The following VEPH1 variants were observed in gnomAD, a reference collection of about 807,000 sequenced individuals.
VEPH1 encodes ventricular zone-expressed PH domain-containing protein homolog 1.
Under a neutral mutation model 85.2 loss-of-function variants are expected in VEPH1, and 80 were observed. The observed-to-expected ratio is 0.94, with a 90% CI of 0.78 to 1.13. The LOEUF (loss-of-function observed/expected upper bound fraction) is 1.13, where lower values mean the gene tolerates loss of function less well. Ranked by LOEUF, VEPH1 falls within the 50% of genes most tolerant of loss-of-function variation. VEPH1 has a pLI of 0.00. For missense variants in VEPH1, 955 were observed against 980.5 expected, an observed-to-expected ratio of 0.97 and a Z score of 0.35; for synonymous variants, 297 against 348.0, an observed-to-expected ratio of 0.85 and a Z score of 1.63.
rs532340418 is a variant in VEPH1 at position 157,489,124 on chromosome 3, A to G, written c.138+6088T>C. Reference sequence around the variant, plus strand: ...TCTGAATTATTTCAGTAGCCACTCAACTGGCCTTTCTGATTTCACTCTTGC... The same window carrying G: ...TCTGAATTATTTCAGTAGCCACTCAGCTGGCCTTTCTGATTTCACTCTTGC... On this transcript the variant is annotated intron_variant, in intron 2 of 13. Transcript: ENST00000362010. 228 of 456,384 alleles carry G rather than the reference A, an allele frequency of 5.0e-4. 4 individuals are homozygous for G. Among genetic ancestry groups the G allele is most frequent in the South Asian group, 3.4e-3 (221 of 64,544 alleles). The allele number at this position is 456,384 out of a possible 1,614,324, so 28.3% of individuals were successfully genotyped here.
chr3:157,501,636 C>T (rs1047019396), intron 1 of VEPH1, among the ~76,000 whole-genome samples: 8 of 152,134 alleles, frequency 5.3e-5, no homozygotes, highest in East Asian at 1.9e-4. Context: ...GACTTAATCG[C>T]CACACTATTG....
At chr3:157,386,640 A>G (rs1213550914) in intron 6 of VEPH1, among the ~76,000 whole-genome samples, 1 of 152,210 alleles carries the variant, frequency 6.6e-6, no homozygotes, top group African/African-American at 2.4e-5. Context: ...CACAATGCAC[A>G]AGACAACCAC....
rs186886575 is a variant in VEPH1, at chr3:157,282,938, A to C, written c.2128+3619T>G. 2.6e-5 allele frequency among the ~76,000 whole-genome samples: 4 copies of C among 152,358 alleles called. No homozygotes were observed. In the East Asian group the frequency reaches 7.7e-4, roughly 29 times the overall value. ...ACTGAGTTATTTCAGAAATTTTCTAATCTTCTACTCTGAACTTTTATAAAA... is the reference window on the plus strand; with the variant it reads ...ACTGAGTTATTTCAGAAATTTTCTACTCTTCTACTCTGAACTTTTATAAAA... On this transcript the variant is annotated intron_variant, in intron 12 of 13. Transcript: ENST00000362010.
intron 9 of VEPH1, among the ~76,000 whole-genome samples, chr3:157,326,710 GTCC>G (rs1721944584): frequency 1.3e-5 from 2 of 152,188 alleles, no homozygotes; most frequent in Admixed American, 6.5e-5. Context: ...TCAGAAGTGG[GTCC>G]TGACTTCCCT....
At chr3:157,490,588 T>TA (rs942189084) in intron 2 of VEPH1, among the ~76,000 whole-genome samples, 2 of 151,930 alleles carry the variant, frequency 1.3e-5, no homozygotes, top group South Asian at 2.1e-4. Flanking sequence ...TCACTTAGAT[T>TA]AAAAAAAACT....
intron 9 of VEPH1, among the ~76,000 whole-genome samples, chr3:157,319,519 A>G (rs1721144863): frequency 6.6e-6 from 1 of 152,258 alleles, no homozygotes. Flanking sequence ...GAAACCTATT[A>G]TCTCAAGAGC....
intron 4 of VEPH1, chr3:157,459,752 A>G (rs1735663384): frequency 2.1e-6 from 3 of 1,442,124 alleles, no homozygotes; most frequent in Non-Finnish European, 2.7e-6. Context: ...AGAAGTCATT[A>G]CACATTTTCT....
chr3:157,363,224 A>G, intron 9 of VEPH1, 140 bp downstream of exon 9: 5 of 783,286 alleles, frequency 6.4e-6, no homozygotes, highest in Non-Finnish European at 9.5e-6. Context: ...AAAAACTAAC[A>G]TAATGTAAGG....
At chr3:157,428,236 C>A in intron 5 of VEPH1, 86 bp downstream of exon 5, 1 of 1,402,070 alleles carries the variant, frequency 7.1e-7, no homozygotes, top group Non-Finnish European at 9.6e-7. Flanking sequence ...ATGTATGAGA[C>A]AGGAAATCCT....
At chr3:157,456,813 C>T (rs1318995290) in intron 4 of VEPH1, among the ~76,000 whole-genome samples, 1 of 152,056 alleles carries the variant, frequency 6.6e-6, no homozygotes, top group East Asian at 1.9e-4. Context: ...AGTGTGATGC[C>T]TCCAGGTTTG....
chr3:157,276,818 ATTT>A, intron 12 of VEPH1, among the ~76,000 whole-genome samples: 1 of 152,092 alleles, frequency 6.6e-6, no homozygotes, highest in Non-Finnish European at 1.5e-5. Context: ...ATCAAAGAAG[ATTT>A]GCCTGGGACT....
chr3:157,340,659 C>T (rs941065966), intron 9 of VEPH1, among the ~76,000 whole-genome samples: 1 of 152,208 alleles, frequency 6.6e-6, no homozygotes, highest in African/African-American at 2.4e-5. Flanking sequence ...CCCTGTCTGA[C>T]AGCTTTGAAG....
intron 4 of VEPH1, among the ~76,000 whole-genome samples, chr3:157,456,055 A>G (rs576113642): frequency 3.3e-5 from 5 of 152,188 alleles, no homozygotes; most frequent in Admixed American, 2.6e-4. Context: ...AATAGCTGTT[A>G]TTTTTTAATA....
Position 157,381,361 on chromosome 3 carries a change from A to G in VEPH1, c.922T>C (p.Cys308Arg). 6.2e-7 allele frequency: 1 copy of G among 1,614,134 alleles called. No individual in the cohort carries two copies. The highest frequency in any genetic ancestry group is 8.5e-7 in the Non-Finnish European group (1 of 1,179,996). ...AGTTGGCTCACCAGGTATGTCAGGCAGCTCCTGGCTCTCTCCTACCAAAAA... is the reference window on the plus strand; with the variant it reads ...AGTTGGCTCACCAGGTATGTCAGGCGGCTCCTGGCTCTCTCCTACCAAAAA... ...GHVDEERARS[C>R]LTYLVSQLAN... Residue 308 changes from cysteine (C) to arginine (R), a missense_variant, in exon 7 of 14, where the codon TGC becomes CGC. Cys to Arg is a radical substitution (Grantham distance 180, BLOSUM62 -3). Transcript: ENST00000362010.
chr3:157,286,344 A>C, intron 12 of VEPH1: 1 of 582,218 alleles, frequency 1.7e-6, no homozygotes, highest in Non-Finnish European at 3.1e-6. Context: ...ACATATAGGT[A>C]AGGGATTGTT....
intron 11 of VEPH1, among the ~76,000 whole-genome samples, chr3:157,292,127 C>T (rs1415134479): frequency 3.3e-5 from 5 of 152,150 alleles, no homozygotes; most frequent in Non-Finnish European, 7.3e-5. Context: ...TCAGAGTTCT[C>T]GCTATGTTGC....
intron 1 of VEPH1, chr3:157,499,537 G>T (rs1332889876): frequency 6.6e-6 from 1 of 152,102 alleles, no homozygotes. Context: ...TTGCGGAGCC[G>T]GTGCCGGGTG....
intron 4 of VEPH1, among the ~76,000 whole-genome samples, chr3:157,453,299 C>G (rs576173920): frequency 6.6e-6 from 1 of 152,120 alleles, no homozygotes; most frequent in Non-Finnish European, 1.5e-5. Context: ...GTTGTTGTTG[C>G]TCCTCTTTCT....
At chr3:157,309,064 G>A (rs1038351618) in intron 11 of VEPH1, among the ~76,000 whole-genome samples, 11 of 151,700 alleles carry the variant, frequency 7.3e-5, no homozygotes, top group Non-Finnish European at 1.3e-4. Flanking sequence ...CCTTATTTCT[G>A]TCTTGTGTTC....
Sources: allele counts gnomAD v4.1 joint callset (sites outside exome capture counted in the v4.1 genomes callset), GRCh38; gene constraint gnomAD v4.1.1; transcripts MANE v1.5; gene names NCBI Gene and HGNC (gene_info 2026-07-23, HGNC 2026-07-21).